The following FCF1 variants were observed in gnomAD, a reference collection of about 807,000 sequenced individuals.
FCF1 encodes FCF1 rRNA-processing protein.
Under a neutral mutation model 32.5 loss-of-function variants are expected in FCF1, and 17 were observed. The ratio of observed to expected loss-of-function variants is 0.52; its 90% confidence interval spans 0.36 to 0.78. The LOEUF (loss-of-function observed/expected upper bound fraction) is 0.78, where lower values mean the gene tolerates loss of function less well. FCF1 is among the 30% of genes least tolerant of loss of function. The probability of loss-of-function intolerance (pLI) is 0.00; values close to 1 mark genes in which losing one functional copy is unlikely to be tolerated. For synonymous variants in FCF1, 84 were observed against 78.4 expected (o/e 1.07, Z -0.38); for missense variants, 201 against 241.1 (o/e 0.83, Z 1.10).
intron 4 of FCF1, among the ~76,000 whole-genome samples, chr14:74,717,271 G>A (rs894594178): frequency 6.6e-6 from 1 of 151,976 alleles, no homozygotes; most frequent in Non-Finnish European, 1.5e-5. Context: ...CAGGAGAATC[G>A]CTGGAACCTG....
chr14:74,734,089 T>C lies in FCF1; in HGVS notation c.467T>C (p.Ile156Thr). The C allele has an allele frequency of 1.2e-6, 2 of 1,612,756 alleles. No homozygotes were observed. Among genetic ancestry groups the C allele is most frequent in the Non-Finnish European group, 1.7e-6 (2 of 1,178,830 alleles). The change falls in exon 7 of 8, where the codon ATT becomes ACT. Residue 156 changes from isoleucine to threonine, a missense_variant. Coordinates refer to ENST00000341162, the MANE Select transcript of FCF1 (RefSeq NM_015962.5). ...TGTCTCTTACAGCATAAGTGTTACA[T>C]TGTGGCCACAGTTGACCGGGACCTG... Reference protein sequence around the residue: ...VQRVTQHKCYIVATVDRDLKR... With the variant: ...VQRVTQHKCYTVATVDRDLKR...
chr14:74,727,748 G>A (rs1160043557), intron 5 of FCF1, among the ~76,000 whole-genome samples: 8 of 152,070 alleles, frequency 5.3e-5, no homozygotes, highest in Non-Finnish European at 1.0e-4. Flanking sequence ...TAGGTCTAAC[G>A]TTTAAGTCTT....
chr14:74,718,327 G>A (rs1354945603), intron 4 of FCF1, among the ~76,000 whole-genome samples: 3 of 152,126 alleles, frequency 2.0e-5, no homozygotes, highest in African/African-American at 4.8e-5. Context: ...TATGAATCCT[G>A]AGGCTGTTAC....
At chr14:74,723,532 A>G (rs1226326385) in intron 5 of FCF1, among the ~76,000 whole-genome samples, 188 bp downstream of exon 5, 3 of 152,130 alleles carry the variant, frequency 2.0e-5, no homozygotes, top group African/African-American at 7.2e-5. Context: ...AACTTTTAAT[A>G]GAAAATACAG....
intron 5 of FCF1, among the ~76,000 whole-genome samples, chr14:74,730,774 C>T (rs1473001134): frequency 6.6e-6 from 1 of 152,100 alleles, no homozygotes; most frequent in East Asian, 1.9e-4. Context: ...CTGAGGTAGG[C>T]AGATCATCTG....
chr14:74,722,074 G>T (rs1279508819), intron 4 of FCF1, among the ~76,000 whole-genome samples: 2 of 130,844 alleles, frequency 1.5e-5, no homozygotes, highest in Admixed American at 8.4e-5. Context: ...TTGAGATGGA[G>T]TTTCACTCTT....
At chr14:74,715,603 A>G (rs747604893) in intron 3 of FCF1, 25 of 365,018 alleles carry the variant, frequency 6.8e-5, no homozygotes, top group Non-Finnish European at 5.7e-5. Context: ...TTTAAGAATG[A>G]CAAACGTGTT....
chr14:74,716,137 C>G lies in FCF1; in HGVS notation c.292+38C>G, dbSNP rs755821161. 7.6e-6 allele frequency: 12 copies of G among 1,583,310 alleles called. No homozygotes were observed. The South Asian group carries it at 1.0e-4, about 13-fold the overall frequency. ...CTTTTATGTTTCCGTGACATTTGTT[C>G]AGAATAATTATATTTATACAAATAC... On this transcript the variant is annotated intron_variant, in intron 4 of 7. Coordinates refer to ENST00000341162, the MANE Select transcript of FCF1 (RefSeq NM_015962.5).
At position 74,735,976 on chromosome 14, in the gene FCF1, A is replaced by G. The variant is rs2140044072; in HGVS notation, c.*1046A>G. On this transcript the variant is annotated 3_prime_UTR_variant, in exon 8 of 8. Transcript: ENST00000341162. ...GAGTGCAGTGGCGCAATCTCGGCTC[A>G]TTGCAACCTCCGCCTCCCAGGTTCA... is the stretch of plus-strand genomic sequence containing the variant. 1 of 152,834 alleles carries G rather than the reference A, an allele frequency of 6.5e-6. No homozygotes were observed. The highest frequency in any genetic ancestry group is 1.5e-5 in the Non-Finnish European group (1 of 68,912). The allele number at this position is 152,834 out of a possible 1,614,324, so 9.5% of individuals were successfully genotyped here.
chr14:74,713,570 A>G lies in FCF1; in HGVS notation c.71+18A>G, dbSNP rs772098210. ...CAGAGGCTGTGAGTGTCTGGAATCA[A>G]CTGCCCAGGGATATTCTAATAAGAG... On this transcript the variant is annotated intron_variant, in intron 2 of 7. Coordinates refer to ENST00000341162, the MANE Select transcript of FCF1 (RefSeq NM_015962.5). 1.3e-5 allele frequency: 20 copies of G among 1,598,806 alleles called. No individual in the cohort carries two copies. Among genetic ancestry groups the G allele is most frequent in the Non-Finnish European group, 1.5e-5 (18 of 1,167,982 alleles).
At chr14:74,716,313 G>C (rs2090419236) in intron 4 of FCF1, among the ~76,000 whole-genome samples, 1 of 152,134 alleles carries the variant, frequency 6.6e-6, no homozygotes, top group Non-Finnish European at 1.5e-5. Context: ...AAAACACTTA[G>C]AATGCTTCGA....
At position 74,726,196 on chromosome 14, in the gene FCF1, A is replaced by G. The variant is rs74432835; in HGVS notation, c.365+2852A>G. ...AAACAATATAAACTATAAAAAAAAA[A>G]CAACAGCAGTCAGGCACTGTGGCTC... is the stretch of plus-strand genomic sequence containing the variant. On this transcript the variant is annotated intron_variant, in intron 5 of 7. Transcript: ENST00000341162. Among the ~76,000 whole-genome samples, 10 of 152,082 alleles carry G rather than the reference A, an allele frequency of 6.6e-5. No homozygotes were observed. The East Asian group carries it at 1.9e-3, about 30-fold the overall frequency.
chr14:74,731,807 G>A (rs2090641227), intron 5 of FCF1, among the ~76,000 whole-genome samples: 1 of 152,076 alleles, frequency 6.6e-6, no homozygotes, highest in Non-Finnish European at 1.5e-5. Flanking sequence ...TATTTGTGTT[G>A]CACTTGGTAC....
intron 5 of FCF1, among the ~76,000 whole-genome samples, chr14:74,732,154 T>TTACA (rs150479967): frequency 1.3e-5 from 2 of 149,958 alleles, no homozygotes; most frequent in Non-Finnish European, 3.0e-5. Flanking sequence ...TTAAATCATA[T>TTACA]TATATATATA....
intron 5 of FCF1, among the ~76,000 whole-genome samples, chr14:74,728,800 T>G (rs537133817): frequency 6.6e-6 from 1 of 152,298 alleles, no homozygotes; most frequent in South Asian, 2.1e-4. Flanking sequence ...TATTGAGAGT[T>G]TTTAGCATGA....
chr14:74,725,367 C>G (rs1224614148), intron 5 of FCF1, among the ~76,000 whole-genome samples: 1 of 150,310 alleles, frequency 6.7e-6, no homozygotes, highest in East Asian at 2.0e-4. Context: ...ATATTCCCAG[C>G]TACTCTGGAG....
rs1032094747 is a variant in FCF1, at chr14:74,738,045, T to G, written c.*3115T>G. 1 of 149,674 alleles carries G rather than the reference T, an allele frequency of 6.7e-6. No individual in the cohort carries two copies. The highest frequency in any genetic ancestry group is 2.4e-5 in the African/African-American group (1 of 40,884). The allele number at this position is 149,674 out of a possible 1,614,324, so 9.3% of individuals were successfully genotyped here. A position where few individuals can be genotyped will look rare whatever the true frequency, so the allele number is the denominator to read the frequency against. On this transcript the variant is annotated 3_prime_UTR_variant, in exon 8 of 8. Coordinates refer to ENST00000341162, the MANE Select transcript of FCF1 (RefSeq NM_015962.5). ...AAAAAAATTAGTTTCCTACTTCACA[T>G]GATTCATAAAAATATTTCAAGTGGA...
intron 5 of FCF1, among the ~76,000 whole-genome samples, chr14:74,729,852 C>T (rs1466866837): frequency 1.3e-5 from 2 of 152,186 alleles, no homozygotes; most frequent in South Asian, 2.1e-4. Flanking sequence ...GCCTTCATTT[C>T]GTTATGTACC....
chr14:74,715,643 T>C, intron 3 of FCF1: 1 of 429,258 alleles, frequency 2.3e-6, no homozygotes, highest in Non-Finnish European at 4.3e-6. Flanking sequence ...GATAACTGTA[T>C]TCTACCTCCC....
Sources: allele counts gnomAD v4.1 joint callset (sites outside exome capture counted in the v4.1 genomes callset), GRCh38; gene constraint gnomAD v4.1.1; transcripts MANE v1.5; gene names NCBI Gene and HGNC (gene_info 2026-07-23, HGNC 2026-07-21).